SLC6A6: variants seen among roughly 807,000 people sequenced by gnomAD.
SLC6A6 encodes the protein solute carrier family 6 member 6.
SLC6A6 carries 16 observed loss-of-function variants against 68.8 expected under a neutral mutation model. The ratio of observed to expected loss-of-function variants is 0.23; its 90% CI spans 0.16 to 0.35. The LOEUF (loss-of-function observed/expected upper bound fraction) is 0.35, where lower values mean the gene tolerates loss of function less well. Among genes scored for constraint, SLC6A6 ranks in the 10% least tolerant of loss-of-function variants. The pLI, the probability that SLC6A6 is intolerant of heterozygous loss-of-function variation, is 1.00. For synonymous variants in SLC6A6, 312 were observed against 315.4 expected, an observed-to-expected ratio of 0.99 and a Z score of 0.12; for missense variants, 474 against 802.8, an observed-to-expected ratio of 0.59 and a Z score of 4.95.
intron 12 of SLC6A6, 86 bp downstream of exon 12, chr3:14,478,654 A>G (rs1700938408): frequency 1.1e-6 from 1 of 870,510 alleles, no homozygotes; most frequent in Admixed American, 1.8e-5. Flanking sequence ...GAATACTAAC[A>G]GAAATTCAAT....
Position 14,443,850 on chromosome 3 carries a change from C to T in SLC6A6, c.216C>T (p.Tyr72=). ...TCTGGCGCTTCCCGTACCTCTGCTA[C>T]AAGAATGGTGGAGGTGAGCTTGGGC... ...GNVWRFPYLC[Y]KNGGGAFLIP... Residue 72 remains tyrosine (Y), a synonymous_variant, in exon 3 of 15, where the codon TAC becomes TAT. Transcript: ENST00000622186. 1.9e-6 allele frequency: 3 copies of T among 1,612,066 alleles called. No individual in the cohort carries two copies. Among genetic ancestry groups the T allele is most frequent in the Non-Finnish European group, 2.5e-6 (3 of 1,178,114 alleles).
chr3:14,451,394 A>G (rs1488186246), intron 5 of SLC6A6, among the ~76,000 whole-genome samples: 1 of 152,206 alleles, frequency 6.6e-6, no homozygotes, highest in Non-Finnish European at 1.5e-5. Flanking sequence ...GAGAGTGACA[A>G]GACAGTCTAG....
chr3:14,446,856 A>C (rs980743120), intron 4 of SLC6A6, among the ~76,000 whole-genome samples: 24 of 152,346 alleles, frequency 1.6e-4, no homozygotes, highest in African/African-American at 4.6e-4. Context: ...TATGCACACA[A>C]AATAATCACT....
chr3:14,413,599 G>T (rs966601034), intron 1 of SLC6A6, among the ~76,000 whole-genome samples: 1 of 152,160 alleles, frequency 6.6e-6, no homozygotes, highest in Non-Finnish European at 1.5e-5. Flanking sequence ...TTAGACCTTG[G>T]GGGCAGGGCT....
At chr3:14,428,943 T>A (rs1464883600) in intron 2 of SLC6A6, among the ~76,000 whole-genome samples, 1 of 152,188 alleles carries the variant, frequency 6.6e-6, no homozygotes, top group Non-Finnish European at 1.5e-5. Context: ...TGCAGCTCAT[T>A]CCTGTCCTTA....
chr3:14,436,722 C>T (rs1035566357), intron 2 of SLC6A6, among the ~76,000 whole-genome samples: 2 of 152,042 alleles, frequency 1.3e-5, no homozygotes, highest in Non-Finnish European at 2.9e-5. Context: ...CATCAGAGTT[C>T]CCTGTTTGCT....
At chr3:14,473,082 G>C (rs754433263) in intron 10 of SLC6A6, among the ~76,000 whole-genome samples, 1 of 152,242 alleles carries the variant, frequency 6.6e-6, no homozygotes, top group Non-Finnish European at 1.5e-5. Context: ...ATGCCAGTGA[G>C]AGCCGATGAG....
At chr3:14,413,437 T>C (rs1379104379) in intron 1 of SLC6A6, among the ~76,000 whole-genome samples, 2 of 152,178 alleles carry the variant, frequency 1.3e-5, no homozygotes, top group African/African-American at 4.8e-5. Flanking sequence ...GGGCTTTATT[T>C]TTGCACTGAG....
chr3:14,406,467 A>C (rs1480117183), intron 1 of SLC6A6, among the ~76,000 whole-genome samples: 1 of 152,290 alleles, frequency 6.6e-6, no homozygotes, highest in East Asian at 1.9e-4. Flanking sequence ...CAGGAGACGG[A>C]GAGTCACCGA....
intron 1 of SLC6A6, among the ~76,000 whole-genome samples, chr3:14,403,201 CTG>C (rs1278604891): frequency 1.3e-5 from 2 of 151,862 alleles, no homozygotes; most frequent in East Asian, 3.9e-4. Flanking sequence ...CTGAGGGTGA[CTG>C]TTTCACCGTG....
At position 14,488,794 on chromosome 3, in the gene SLC6A6, T is replaced by C. The variant is rs1226383927; in HGVS notation, c.*3787T>C. 2 of 152,628 alleles carry C rather than the reference T, an allele frequency of 1.3e-5. No homozygotes were observed. The highest frequency in any genetic ancestry group is 2.9e-5 in the Non-Finnish European group (2 of 68,042). 9.5% of individuals were successfully genotyped at this position (152,628 alleles called of 1,614,324 possible). A position where few individuals can be genotyped will look rare whatever the true frequency, so the allele number is the denominator to read the frequency against. Reference sequence around the variant, plus strand: ...ATCCTCAGAATATATATTGTTGTAATAGGAAGCATTTTTGCATTGTTCTCT... The same window carrying C: ...ATCCTCAGAATATATATTGTTGTAACAGGAAGCATTTTTGCATTGTTCTCT... On this transcript the variant is annotated 3_prime_UTR_variant, in exon 15 of 15. Coordinates refer to ENST00000622186, the MANE Select transcript of SLC6A6 (RefSeq NM_003043.6).
intron 7 of SLC6A6, 73 bp from the exon 8 acceptor site, chr3:14,467,780 C>A: frequency 1.1e-6 from 1 of 872,410 alleles, no homozygotes; most frequent in Non-Finnish European, 1.8e-6. Flanking sequence ...GGACATAACC[C>A]TCGCTGCCTC....
At chr3:14,462,836 C>CA (rs772926350) in intron 6 of SLC6A6, among the ~76,000 whole-genome samples, 1 of 152,206 alleles carries the variant, frequency 6.6e-6, no homozygotes, top group African/African-American at 2.4e-5. Context: ...GGTGTGTACA[C>CA]ACGGTGGAGG....
intron 13 of SLC6A6, among the ~76,000 whole-genome samples, chr3:14,480,667 C>T (rs1047618130): frequency 3.9e-5 from 6 of 152,236 alleles, no homozygotes; most frequent in African/African-American, 7.2e-5. Flanking sequence ...GATGCATCTT[C>T]CTGTCAAATC....
chr3:14,412,535 C>T (rs1045426365), intron 1 of SLC6A6, among the ~76,000 whole-genome samples: 2 of 152,104 alleles, frequency 1.3e-5, no homozygotes, highest in African/African-American at 4.8e-5. Context: ...AAAAATTCGC[C>T]GGGTGTGGTG....
intron 5 of SLC6A6, among the ~76,000 whole-genome samples, chr3:14,449,313 T>G (rs1700202360): frequency 6.6e-6 from 1 of 152,238 alleles, no homozygotes; most frequent in Non-Finnish European, 1.5e-5. Context: ...ATTTTCCACT[T>G]ACAAACAAAA....
intron 13 of SLC6A6, among the ~76,000 whole-genome samples, chr3:14,479,684 A>T (rs1304741714): frequency 6.6e-6 from 1 of 152,144 alleles, no homozygotes; most frequent in African/African-American, 2.4e-5. Flanking sequence ...TCTCCCAAGG[A>T]TAGGGAAGCT....
chr3:14,460,619 G>A (rs1559306503), intron 6 of SLC6A6, among the ~76,000 whole-genome samples: 1 of 152,258 alleles, frequency 6.6e-6, no homozygotes, highest in African/African-American at 2.4e-5. Context: ...GAGACATAAT[G>A]CAGAATACAG....
At chr3:14,471,912 C>T (rs913952583) in intron 9 of SLC6A6, among the ~76,000 whole-genome samples, 2 of 152,166 alleles carry the variant, frequency 1.3e-5, no homozygotes, top group African/African-American at 4.8e-5. Context: ...GCAGACCAAG[C>T]CCTGGGCTCA....
Sources: gnomAD v4.1 joint callset for allele counts (sites outside exome capture counted in the v4.1 genomes callset) on GRCh38, gnomAD v4.1.1 for gene constraint, MANE v1.5 for transcripts, NCBI Gene and HGNC (gene_info 2026-07-23, HGNC 2026-07-21) for gene names.